Variants in MOK observed in about 807,000 individuals in gnomAD.
MOK encodes MOK protein kinase, also known as MAPK/MAK/MRK overlapping kinase.
MOK carries 59 observed loss-of-function variants against 54.2 expected under a neutral mutation model. The ratio of observed to expected loss-of-function variants is 1.09; its 90% confidence interval spans 0.88 to 1.35. The LOEUF is 1.35. Among genes scored for constraint, MOK ranks in the 40% most tolerant of loss-of-function variants. The probability of loss-of-function intolerance (pLI) is 0.00; values close to 1 mark genes in which losing one functional copy is unlikely to be tolerated. For synonymous variants in MOK, 210 were observed against 202.7 expected (o/e 1.04, Z -0.31); for missense variants, 517 against 526.2 (o/e 0.98, Z 0.17).
chr14:102,290,560 C>T (rs757218201), intron 1 of MOK, among the ~76,000 whole-genome samples: 6 of 152,238 alleles, frequency 3.9e-5, no homozygotes, highest in Admixed American at 3.3e-4. Context: ...TTAAAAGTCA[C>T]AGCCTGAGAC....
intron 1 of MOK, among the ~76,000 whole-genome samples, chr14:102,302,539 C>T (rs1597671824): frequency 6.6e-6 from 1 of 151,812 alleles, no homozygotes; most frequent in East Asian, 1.9e-4. Context: ...CCTCAGCCTC[C>T]CGAGTAGCTG....
intron 1 of MOK, 118 bp downstream of exon 1, chr14:102,304,844 C>T (rs990856459): frequency 8.3e-7 from 1 of 1,203,070 alleles, no homozygotes; most frequent in Non-Finnish European, 1.2e-6. Flanking sequence ...TGTCGAGCCA[C>T]GGCAGAAGGC....
chr14:102,265,717 C>G, intron 3 of MOK, 106 bp downstream of exon 3: 1 of 864,846 alleles, frequency 1.2e-6, no homozygotes, highest in East Asian at 2.6e-5. Context: ...TGGTTACTCT[C>G]TGAGCTACAA....
Position 102,257,975 on chromosome 14 carries a change from C to CAA in MOK, c.283+5569_283+5570dup, listed in dbSNP as rs34751303. On this transcript the variant is annotated intron_variant, in intron 4 of 11. Transcript: ENST00000361847. Reference sequence around the variant, plus strand: ...CTGCCAACAGAGTGAGACTCTGTCTCAAAAAAAAAAAAAAAAGAATACCTG... The same window carrying CAA: ...CTGCCAACAGAGTGAGACTCTGTCTCAAAAAAAAAAAAAAAAAAGAATACCTG... 6.1e-3 allele frequency among the ~76,000 whole-genome samples: 630 copies of CAA among 102,528 alleles called. 5 individuals carry two copies. The highest frequency in any genetic ancestry group is 0.018 in the African/African-American group (582 of 31,942). The allele number at this position is 102,528 out of a possible 152,430, so 67.3% of individuals were successfully genotyped here.
chr14:102,288,784 G>C (rs1475233303), intron 1 of MOK, among the ~76,000 whole-genome samples: 1 of 152,224 alleles, frequency 6.6e-6, no homozygotes, highest in Non-Finnish European at 1.5e-5. Context: ...GAAGTGACCA[G>C]AATGGGCTGA....
chr14:102,261,413 A>C (rs2067417660), intron 4 of MOK, among the ~76,000 whole-genome samples: 1 of 70,242 alleles, frequency 1.4e-5, no homozygotes, highest in Non-Finnish European at 2.7e-5. Flanking sequence ...AAAAAAAAAA[A>C]AAAAAATATA....
At chr14:102,275,440 T>G (rs2068769556) in intron 2 of MOK, among the ~76,000 whole-genome samples, 1 of 151,694 alleles carries the variant, frequency 6.6e-6, no homozygotes. Flanking sequence ...GGTGGGCGCC[T>G]GCGGTCCCAG....
chr14:102,241,489 C>A (rs573628326), intron 7 of MOK, among the ~76,000 whole-genome samples: 1 of 152,106 alleles, frequency 6.6e-6, no homozygotes, highest in Non-Finnish European at 1.5e-5. Flanking sequence ...CTTTATCTGA[C>A]CTCTCCCAAA....
rs1478248548 is a variant in MOK, at chr14:102,231,638, C to G, written c.981+69G>C. 6.3e-6 allele frequency: 9 copies of G among 1,428,738 alleles called. No individual in the cohort carries two copies. Among genetic ancestry groups the G allele is most frequent in the African/African-American group, 1.4e-5 (1 of 71,164 alleles). 88.5% of individuals were successfully genotyped at this position (1,428,738 alleles called of 1,614,324 possible). ...ACAGGTGGCGTCCTCCTGAGAGAGA[C>G]ACAGGCCACCCGAGGGCATCCAGTC... On this transcript the variant is annotated intron_variant, in intron 10 of 11. Transcript: ENST00000361847. This position sits in a 1 kb window ranked among gnomAD's most constrained non-coding sequence, Gnocchi z 4.4.
chr14:102,242,472 ATCT>A (rs1156892155), intron 7 of MOK, among the ~76,000 whole-genome samples: 1 of 151,946 alleles, frequency 6.6e-6, no homozygotes, highest in East Asian at 1.9e-4. Flanking sequence ...CCTCCTTCAC[ATCT>A]TCCCCTTGTA....
In MOK at chr14:102,250,819, T is replaced by C; in HGVS notation, c.583A>G (p.Ile195Val). 1 of 1,613,098 alleles carries C rather than the reference T, an allele frequency of 6.2e-7. No homozygotes were observed. The highest frequency in any genetic ancestry group is 8.5e-7 in the Non-Finnish European group (1 of 1,179,386). ...AGCCTGGCCTGGTGCTACCTGGCGA[T>C]CTCGTAGAACACACAGCCGGCGCTC... ...LWSAGCVFYEIASLQPLFPGV... is the reference protein window; with the variant it reads ...LWSAGCVFYEVASLQPLFPGV... Residue 195 changes from isoleucine (I) to valine (V), a missense_variant, in exon 7 of 12, where the codon ATC becomes GTC. Physicochemically the swap from Ile to Val is conservative, Grantham distance 29 (BLOSUM62 3). Transcript: ENST00000361847.
intron 1 of MOK, among the ~76,000 whole-genome samples, chr14:102,303,570 A>G (rs764945450): frequency 1.8e-4 from 28 of 152,210 alleles, no homozygotes; most frequent in Non-Finnish European, 3.4e-4. Flanking sequence ...ACTATAACAC[A>G]TGTTATTGGG....
chr14:102,230,021 T>G lies in MOK; in HGVS notation c.982-364A>C, dbSNP rs1452595185. 4.1e-6 allele frequency: 1 copy of G among 241,594 alleles called. No homozygotes were observed. Among genetic ancestry groups the G allele is most frequent in the Non-Finnish European group, 8.0e-6 (1 of 124,862 alleles). The allele number at this position is 241,594 out of a possible 1,614,324, so 15.0% of individuals were successfully genotyped here. A position where few individuals can be genotyped will look rare whatever the true frequency, so the allele number is the denominator to read the frequency against. ...TGGGTGGCTTGTGAGCTAAGGATGG[T>G]TTTACATTTGGGGTTTTTTGTTTGT... is the stretch of plus-strand genomic sequence containing the variant. On this transcript the variant is annotated intron_variant, in intron 10 of 11. Transcript: ENST00000361847. This position sits in a 1 kb window ranked among gnomAD's most constrained non-coding sequence, Gnocchi z 4.1.
chr14:102,230,821 T>TG lies in MOK; in HGVS notation c.981+885dup, dbSNP rs138967636. The TG allele has an allele frequency of 0.041, 6,240 of 152,440 alleles. 154 individuals carry two copies. Among genetic ancestry groups the TG allele is most frequent in the Middle Eastern group, 0.065 (19 of 294 alleles). The allele number at this position is 152,440 out of a possible 1,614,324, so 9.4% of individuals were successfully genotyped here. A position where few individuals can be genotyped will look rare whatever the true frequency, so the allele number is the denominator to read the frequency against. On this transcript the variant is annotated intron_variant, in intron 10 of 11. Coordinates refer to ENST00000361847, the MANE Select transcript of MOK (RefSeq NM_014226.3). This position sits in a 1 kb window ranked among gnomAD's most constrained non-coding sequence, Gnocchi z 4.1. Reference sequence around the variant, plus strand: ...GTTGCCTCCCTCGGAGGGAAGGCCATGGGAAGCCACAGGGAAAAAGCACGT... The same window carrying TG: ...GTTGCCTCCCTCGGAGGGAAGGCCATGGGGAAGCCACAGGGAAAAAGCACGT...
intron 2 of MOK, among the ~76,000 whole-genome samples, chr14:102,272,655 C>T (rs2068475253): frequency 6.6e-6 from 1 of 151,884 alleles, no homozygotes; most frequent in South Asian, 2.1e-4. Flanking sequence ...CACCACAATA[C>T]AAGAAAAAGG....
At chr14:102,263,513 A>G in intron 4 of MOK, 33 bp downstream of exon 4, 1 of 1,464,018 alleles carries the variant, frequency 6.8e-7, no homozygotes, top group Non-Finnish European at 9.4e-7. Flanking sequence ...TTAAAAGAGG[A>G]TCTTAGGTTA....
chr14:102,254,038 G>A (rs2066737238), intron 4 of MOK, among the ~76,000 whole-genome samples: 1 of 151,262 alleles, frequency 6.6e-6, no homozygotes, highest in African/African-American at 2.4e-5. Context: ...AGGCTGGAAT[G>A]CATTGGTACG....
At chr14:102,281,022 C>T (rs2069362415) in intron 2 of MOK, among the ~76,000 whole-genome samples, 1 of 152,080 alleles carries the variant, frequency 6.6e-6, no homozygotes, top group Non-Finnish European at 1.5e-5. Flanking sequence ...GACCCTGTCT[C>T]TACAAAAATA....
chr14:102,259,028 T>G (rs2067188124), intron 4 of MOK, among the ~76,000 whole-genome samples: 2 of 150,902 alleles, frequency 1.3e-5, no homozygotes, highest in South Asian at 4.2e-4. Context: ...ATCGTGCCAT[T>G]GCACTCCAGC....
Sources: allele counts gnomAD v4.1 joint callset (sites outside exome capture counted in the v4.1 genomes callset), GRCh38; gene constraint gnomAD v4.1.1; non-coding constraint Gnocchi (gnomAD v3.1); transcripts MANE v1.5; gene names NCBI Gene and HGNC (gene_info 2026-07-23, HGNC 2026-07-21).